The following PSD3 variants were observed in gnomAD, a reference collection of about 807,000 sequenced individuals.
PSD3 encodes the protein PH and SEC7 domain-containing protein 3.
A neutral mutation model predicts 105.5 loss-of-function variants in PSD3; 49 were observed. The ratio of observed to expected loss-of-function variants is 0.46; its 90% CI spans 0.37 to 0.59. PSD3 has a LOEUF of 0.59. Ranked by LOEUF, PSD3 falls within the 20% of genes least tolerant of loss-of-function variation. The pLI is 0.00. For missense variants in PSD3, 1,561 were observed against 1,263.8 expected (o/e 1.24, Z -3.57); for synonymous variants, 557 against 457.8 (o/e 1.22, Z -2.77).
chr8:18,749,010 T>C (rs1044519973), intron 9 of PSD3, among the ~76,000 whole-genome samples: 15 of 152,238 alleles, frequency 9.9e-5, no homozygotes, highest in Admixed American at 6.5e-5. Context: ...CAGTTCTTTC[T>C]AACAGCCAAA....
At chr8:19,023,670 C>T (rs1005880847) in intron 1 of PSD3, among the ~76,000 whole-genome samples, 18 of 152,132 alleles carry the variant, frequency 1.2e-4, no homozygotes, top group African/African-American at 4.3e-4. Context: ...CTCCCGGCCT[C>T]AAGTGATCCT....
intron 11 of PSD3, among the ~76,000 whole-genome samples, chr8:18,623,448 C>CAAAAAAAAAAAAA (rs1415289898): frequency 1.5e-5 from 1 of 67,490 alleles, no homozygotes; most frequent in African/African-American, 5.8e-5. Flanking sequence ...CCCGTCTCCC[C>CAAAAAAAAAAAAA]AAAAAAAAAA....
At chr8:18,803,883 G>C (rs996804039) in intron 6 of PSD3, among the ~76,000 whole-genome samples, 1 of 151,966 alleles carries the variant, frequency 6.6e-6, no homozygotes, top group Admixed American at 6.6e-5. Context: ...CATTATGAAT[G>C]TTTTTAATGC....
At chr8:18,970,770 C>A (rs1337427083) in intron 1 of PSD3, among the ~76,000 whole-genome samples, 1 of 152,018 alleles carries the variant, frequency 6.6e-6, no homozygotes, top group African/African-American at 2.4e-5. Flanking sequence ...GCCTGACCAA[C>A]ATGGTGAAAC....
At chr8:18,558,149 G>A (rs1344226857) in intron 14 of PSD3, among the ~76,000 whole-genome samples, 1 of 152,142 alleles carries the variant, frequency 6.6e-6, no homozygotes, top group Admixed American at 6.5e-5. Flanking sequence ...TGTCTGCTAT[G>A]GAAGCCACCC....
intron 11 of PSD3, among the ~76,000 whole-genome samples, chr8:18,614,810 T>G (rs62500563): frequency 2.7e-3 from 400 of 149,470 alleles, no homozygotes; most frequent in African/African-American, 5.1e-3. Flanking sequence ...TTTTTTGTTT[T>G]GTTTTCATAG....
At chr8:18,755,657 CT>C (rs1423428959) in intron 9 of PSD3, among the ~76,000 whole-genome samples, 2 of 152,020 alleles carry the variant, frequency 1.3e-5, no homozygotes, top group African/African-American at 4.8e-5. Context: ...ACCACTCAAA[CT>C]TTTTTCCTTT....
At chr8:19,056,735 T>C (rs1263787859) in intron 1 of PSD3, among the ~76,000 whole-genome samples, 2 of 152,142 alleles carry the variant, frequency 1.3e-5, no homozygotes, top group Non-Finnish European at 2.9e-5. Context: ...TGCAAATATA[T>C]CCAAATATCC....
rs1033566386 is a variant in PSD3, at chr8:19,010,245, G to A, written c.21+3318C>T. Among the ~76,000 whole-genome samples the A allele has an allele frequency of 3.9e-5, 6 of 152,032 alleles. No individual in the cohort carries two copies. In the South Asian group the frequency reaches 8.3e-4, roughly 21 times the overall value. Reference sequence around the variant, plus strand: ...GAGCGGGCGGATCCCTCACACCACCGGTGTCACCAAGAGAGAAAATGCTCT... The same window carrying A: ...GAGCGGGCGGATCCCTCACACCACCAGTGTCACCAAGAGAGAAAATGCTCT... On this transcript the variant is annotated intron_variant, in intron 1 of 15. Transcript: ENST00000327040.
At chr8:18,746,664 C>T (rs1805055690) in intron 9 of PSD3, among the ~76,000 whole-genome samples, 1 of 152,220 alleles carries the variant, frequency 6.6e-6, no homozygotes, top group Non-Finnish European at 1.5e-5. Flanking sequence ...TTCTTTTTGT[C>T]TTCAACCACA....
rs779202930 is a variant in PSD3, at chr8:18,872,123, A to G, written c.741T>C (p.Ser247=). The stretch of plus-strand genomic sequence containing the variant: ...AGCTCCCGAGGGAGGCCAAAGGACA[A>G]GATGGCTCCTGCACACAGACAGCCC... The part of the protein sequence containing the change: ...RKGAVCVQEP[S]CPLASLGSSA... The change falls in exon 3 of 16, where the codon TCT becomes TCC. Residue 247 remains serine (S), a synonymous_variant. Coordinates refer to ENST00000327040, the MANE Select transcript of PSD3 (RefSeq NM_015310.4). 8.7e-6 allele frequency: 14 copies of G among 1,614,044 alleles called. No homozygotes were observed. The highest frequency in any genetic ancestry group is 1.1e-5 in the Non-Finnish European group (13 of 1,180,002).
intron 8 of PSD3, chr8:18,775,044 A>C (rs1807913987): frequency 4.5e-6 from 2 of 448,880 alleles, no homozygotes; most frequent in South Asian, 3.1e-5. Flanking sequence ...GGTAACCACC[A>C]ATCTACTCTC....
intron 9 of PSD3, among the ~76,000 whole-genome samples, chr8:18,683,238 C>A (rs1007598208): frequency 6.6e-6 from 1 of 152,156 alleles, no homozygotes; most frequent in Non-Finnish European, 1.5e-5. Flanking sequence ...GAAGAAATTT[C>A]TCTTCATTAC....
At chr8:18,642,683 T>C (rs976659649) in intron 10 of PSD3, among the ~76,000 whole-genome samples, 3 of 152,188 alleles carry the variant, frequency 2.0e-5, no homozygotes, top group Admixed American at 6.5e-5. Context: ...GAAGATAATG[T>C]GAAATGAAGA....
intron 9 of PSD3, among the ~76,000 whole-genome samples, chr8:18,682,003 CAAAA>C (rs10612158): frequency 1.6e-4 from 19 of 115,524 alleles, no homozygotes; most frequent in African/African-American, 4.1e-4. Context: ...TTGCAATATT[CAAAA>C]AAAAAAAAAA....
At chr8:18,737,075 C>T (rs1485848364) in intron 9 of PSD3, among the ~76,000 whole-genome samples, 1 of 152,172 alleles carries the variant, frequency 6.6e-6, no homozygotes, top group Non-Finnish European at 1.5e-5. Flanking sequence ...ATTGGAATCA[C>T]CTGGGGAGCA....
At chr8:18,923,998 CT>C (rs1821202010) in intron 2 of PSD3, among the ~76,000 whole-genome samples, 1 of 150,442 alleles carries the variant, frequency 6.6e-6, no homozygotes, top group African/African-American at 2.5e-5. Context: ...TAGAAATATG[CT>C]TTTCAGTATG....
At chr8:18,599,913 A>C (rs1223585514) in intron 12 of PSD3, among the ~76,000 whole-genome samples, 1 of 152,182 alleles carries the variant, frequency 6.6e-6, no homozygotes, top group Non-Finnish European at 1.5e-5. Context: ...AATTAGTCAC[A>C]GTAAGAGATT....
intron 1 of PSD3, among the ~76,000 whole-genome samples, chr8:18,968,811 G>T (rs538122540): frequency 2.1e-4 from 32 of 150,104 alleles, no homozygotes; most frequent in African/African-American, 7.8e-4. Flanking sequence ...AGGAGGTGGA[G>T]GTTGCAGTGA....
Sources: gnomAD v4.1 joint callset for allele counts (sites outside exome capture counted in the v4.1 genomes callset) on GRCh38, gnomAD v4.1.1 for gene constraint, MANE v1.5 for transcripts, NCBI Gene and HGNC (gene_info 2026-07-23, HGNC 2026-07-21) for gene names.